PRMT3: variants seen among roughly 807,000 people sequenced by gnomAD.
The protein encoded by PRMT3 is protein arginine N-methyltransferase 3.
A neutral mutation model predicts 71.9 loss-of-function variants in PRMT3; 62 were observed. The observed-to-expected ratio is 0.86, with a 90% CI of 0.70 to 1.07. The LOEUF (loss-of-function observed/expected upper bound fraction) is 1.07. PRMT3 is among the 50% of genes least tolerant of loss of function. PRMT3 has a pLI of 0.00. For missense variants in PRMT3, 663 were observed against 643.0 expected (o/e 1.03, Z -0.34); for synonymous variants, 213 against 220.4 (o/e 0.97, Z 0.30).
intron 2 of PRMT3, among the ~76,000 whole-genome samples, chr11:20,389,444 A>G (rs1284112991): frequency 2.6e-5 from 4 of 152,228 alleles, no homozygotes; most frequent in Non-Finnish European, 5.9e-5. Context: ...AGACTCTATC[A>G]AAGGGAACTC....
At chr11:20,461,151 C>T (rs1459697250) in intron 11 of PRMT3, among the ~76,000 whole-genome samples, 1 of 152,172 alleles carries the variant, frequency 6.6e-6, no homozygotes, top group Non-Finnish European at 1.5e-5. Context: ...TCTTATTTCT[C>T]TCTCAATTAG....
chr11:20,476,452 G>A (rs1164981069), intron 13 of PRMT3, among the ~76,000 whole-genome samples: 2 of 152,158 alleles, frequency 1.3e-5, no homozygotes, highest in Non-Finnish European at 2.9e-5. Flanking sequence ...TAATATGAAT[G>A]TAAAGTTTTA....
intron 15 of PRMT3, among the ~76,000 whole-genome samples, chr11:20,496,095 C>A (rs1415117342): frequency 6.6e-6 from 1 of 152,182 alleles, no homozygotes; most frequent in African/African-American, 2.4e-5. Flanking sequence ...TCTAAACAGT[C>A]TCTCCCACAA....
At chr11:20,416,395 T>C (rs961244801) in intron 9 of PRMT3, among the ~76,000 whole-genome samples, 1 of 152,198 alleles carries the variant, frequency 6.6e-6, no homozygotes, top group African/African-American at 2.4e-5. Flanking sequence ...ATGAAATTCA[T>C]AGGAATGTAA....
chr11:20,503,630 AT>A (rs369672175), intron 15 of PRMT3, among the ~76,000 whole-genome samples: 1,599 of 144,848 alleles, frequency 0.011, 28 homozygotes, highest in African/African-American at 0.035. Context: ...CTTTCTTGGC[AT>A]TTTTTTTTTT....
chr11:20,398,810 G>A (rs1193676834), intron 7 of PRMT3, among the ~76,000 whole-genome samples: 2 of 152,176 alleles, frequency 1.3e-5, no homozygotes, highest in Admixed American at 6.5e-5. Context: ...GCCTAGGTGT[G>A]TAGTAGGCTA....
At chr11:20,388,192 G>T (rs778445275) in intron 2 of PRMT3, 38 bp downstream of exon 2, 2 of 1,610,346 alleles carry the variant, frequency 1.2e-6, no homozygotes, top group Non-Finnish European at 1.7e-6. Context: ...GCCCTAGGGT[G>T]CCCGGGCGCG....
At chr11:20,462,870 T>A (rs190323372) in intron 12 of PRMT3, among the ~76,000 whole-genome samples, 8 of 150,940 alleles carry the variant, frequency 5.3e-5, no homozygotes, top group Admixed American at 5.3e-4. Context: ...TGTCTTTGTC[T>A]CAAGAGAAAA....
chr11:20,453,205 G>T (rs1420855588), intron 11 of PRMT3, among the ~76,000 whole-genome samples: 1 of 151,730 alleles, frequency 6.6e-6, no homozygotes, highest in African/African-American at 2.4e-5. Context: ...GGCCGGCTGG[G>T]TGCAGTGGCT....
intron 13 of PRMT3, among the ~76,000 whole-genome samples, chr11:20,490,650 G>A (rs1200643020): frequency 6.6e-6 from 1 of 152,090 alleles, no homozygotes; most frequent in African/African-American, 2.4e-5. Context: ...ATGAAGAGAA[G>A]CATTTCTAAT....
At chr11:20,442,479 G>C (rs1476168197) in intron 10 of PRMT3, among the ~76,000 whole-genome samples, 2 of 150,680 alleles carry the variant, frequency 1.3e-5, no homozygotes, top group African/African-American at 4.9e-5. Context: ...TTTTATTTTT[G>C]GGGTTATTTT....
Position 20,508,355 on chromosome 11 carries a change from G to T in PRMT3, c.1538G>T (p.Arg513Leu). ...VTVHKNKKDP[R>L]SLTVTLTLNN... ...GTTCACAAGAATAAGAAAGATCCAC[G>T]TTCTCTCACCGTGACCCTCACGTTG... The change falls in exon 16 of 16, where the codon CGT becomes CTT. Residue 513 changes from arginine (R) to leucine (L), a missense_variant. By Grantham distance (102) the Arg-to-Leu change is moderately radical (BLOSUM62 -2). Transcript: ENST00000331079. 6.2e-7 allele frequency: 1 copy of T among 1,612,632 alleles called. No homozygotes were observed. The highest frequency in any genetic ancestry group is 8.5e-7 in the Non-Finnish European group (1 of 1,178,806).
intron 10 of PRMT3, among the ~76,000 whole-genome samples, 199 bp downstream of exon 10, chr11:20,427,064 CTTAT>C (rs1849563059): frequency 1.3e-5 from 2 of 151,992 alleles, no homozygotes; most frequent in African/African-American, 4.8e-5. Flanking sequence ...TGAAATGGCC[CTTAT>C]TTATTGGCTA....
rs1399513223 is a variant in PRMT3 at position 20,430,140 on chromosome 11, GTCTT to G, written c.993+3277_993+3280del. Among the ~76,000 whole-genome samples the G allele has an allele frequency of 4.6e-5, 7 of 152,144 alleles. No homozygotes were observed. In the East Asian group the frequency reaches 1.4e-3, roughly 29 times the overall value. On this transcript the variant is annotated intron_variant, in intron 10 of 15. Transcript: ENST00000331079. ...TTAAACTTAAATTGCACAGACTCCT[GTCTT>G]TATTTATTTTATTTTTTACATACAA...
chr11:20,500,855 G>C (rs1427854910), intron 15 of PRMT3, among the ~76,000 whole-genome samples: 1 of 152,162 alleles, frequency 6.6e-6, no homozygotes, highest in Non-Finnish European at 1.5e-5. Flanking sequence ...TTTTATGTAA[G>C]TAACACCGTA....
At chr11:20,476,882 T>C (rs1311257172) in intron 13 of PRMT3, among the ~76,000 whole-genome samples, 1 of 151,820 alleles carries the variant, frequency 6.6e-6, no homozygotes, top group Non-Finnish European at 1.5e-5. Flanking sequence ...TCTTCCCTTT[T>C]AAGGGTCACA....
chr11:20,473,309 T>A (rs1850697860), intron 13 of PRMT3, among the ~76,000 whole-genome samples: 1 of 152,144 alleles, frequency 6.6e-6, no homozygotes, highest in Non-Finnish European at 1.5e-5. Flanking sequence ...CTAGTGCTTT[T>A]AGTTGTGATG....
Position 20,509,041 on chromosome 11 carries a change from A to G in PRMT3, c.*628A>G, listed in dbSNP as rs1279841205. ...TTGTGACTATTCCTTAGCCTTATAGATTTCTAGTACTGCCCAGGAAATCTA... is the reference window on the plus strand; with the variant it reads ...TTGTGACTATTCCTTAGCCTTATAGGTTTCTAGTACTGCCCAGGAAATCTA... On this transcript the variant is annotated 3_prime_UTR_variant, in exon 16 of 16. Transcript: ENST00000331079. The G allele has an allele frequency of 6.5e-6, 1 of 154,108 alleles. No homozygotes were observed. Among genetic ancestry groups the G allele is most frequent in the African/African-American group, 2.4e-5 (1 of 41,428 alleles). The allele number at this position is 154,108 out of a possible 1,614,324, so 9.5% of individuals were successfully genotyped here. A position where few individuals can be genotyped will look rare whatever the true frequency, so the allele number is the denominator to read the frequency against.
In PRMT3 at chr11:20,461,963, C is replaced by T; in HGVS notation, c.1073-17C>T. The T allele has an allele frequency of 2.7e-6, 4 of 1,494,716 alleles. No individual in the cohort carries two copies. Among genetic ancestry groups the T allele is most frequent in the Non-Finnish European group, 3.6e-6 (4 of 1,110,632 alleles). 92.6% of individuals were successfully genotyped at this position (1,494,716 alleles called of 1,614,324 possible). On this transcript the variant is annotated splice_polypyrimidine_tract_variant and intron_variant, in intron 11 of 15. Coordinates refer to ENST00000331079, the MANE Select transcript of PRMT3 (RefSeq NM_005788.4). ...AGGGAGATAATGCTTAATTGTTGGG[C>T]ATTTTGTTTGTTACAGTCTACCCTG... is the stretch of plus-strand genomic sequence containing the variant.
Sources: gnomAD v4.1 joint callset for allele counts (sites outside exome capture counted in the v4.1 genomes callset) on GRCh38, gnomAD v4.1.1 for gene constraint, MANE v1.5 for transcripts, NCBI Gene and HGNC (gene_info 2026-07-23, HGNC 2026-07-21) for gene names.